The following CDIN1 variants were observed in gnomAD, a reference collection of about 807,000 sequenced individuals.
The protein encoded by CDIN1 is CDAN1-interacting nuclease 1.
A neutral mutation model predicts 45.3 loss-of-function variants in CDIN1; 33 were observed. The ratio of observed to expected loss-of-function variants is 0.73; its 90% CI spans 0.55 to 0.97. The LOEUF (loss-of-function observed/expected upper bound fraction) is 0.97. Among genes scored for constraint, CDIN1 ranks in the 50% least tolerant of loss-of-function variants. The pLI is 0.00. For synonymous variants in CDIN1, 118 were observed against 124.4 expected, an observed-to-expected ratio of 0.95 and a Z score of 0.34; for missense variants, 303 against 339.4, an observed-to-expected ratio of 0.89 and a Z score of 0.84.
At chr15:36,631,908 G>C (rs2039695423) in intron 1 of CDIN1, among the ~76,000 whole-genome samples, 1 of 152,156 alleles carries the variant, frequency 6.6e-6, no homozygotes, top group Non-Finnish European at 1.5e-5. Context: ...CTAGCTCACT[G>C]CAGCCCTGAA....
intron 5 of CDIN1, among the ~76,000 whole-genome samples, chr15:36,661,204 T>A (rs1185215542): frequency 6.6e-6 from 1 of 152,184 alleles, no homozygotes; most frequent in African/African-American, 2.4e-5. Context: ...GCAGTTAGAA[T>A]AATTGTTGGG....
intron 10 of CDIN1, among the ~76,000 whole-genome samples, chr15:36,767,834 T>C (rs1320513560): frequency 6.6e-6 from 1 of 152,230 alleles, no homozygotes; most frequent in Admixed American, 6.5e-5. Flanking sequence ...GAGTGACTTG[T>C]AAAAGGAGGC....
At chr15:36,715,629 G>A (rs571138832) in intron 10 of CDIN1, among the ~76,000 whole-genome samples, 33 of 152,234 alleles carry the variant, frequency 2.2e-4, no homozygotes, top group African/African-American at 6.3e-4. Flanking sequence ...CACTGCTGCC[G>A]TATACTATCA....
At chr15:36,592,526 C>T (rs748112049) in intron 1 of CDIN1, among the ~76,000 whole-genome samples, 1 of 152,128 alleles carries the variant, frequency 6.6e-6, no homozygotes, top group Non-Finnish European at 1.5e-5. Flanking sequence ...ATTTTTGTAG[C>T]CTTTTTTCTG....
intron 3 of CDIN1, among the ~76,000 whole-genome samples, chr15:36,645,833 A>AG (rs1249963864): frequency 6.6e-6 from 1 of 152,152 alleles, no homozygotes; most frequent in African/African-American, 2.4e-5. Flanking sequence ...CACATTTTAA[A>AG]GGGGATTTTG....
intron 10 of CDIN1, among the ~76,000 whole-genome samples, chr15:36,733,898 G>A (rs1327045083): frequency 6.6e-6 from 1 of 152,028 alleles, no homozygotes; most frequent in African/African-American, 2.4e-5. Context: ...AGACCTTTCT[G>A]GAAAATAGAT....
At chr15:36,760,472 G>T (rs555625470) in intron 10 of CDIN1, among the ~76,000 whole-genome samples, 1 of 152,264 alleles carries the variant, frequency 6.6e-6, no homozygotes, top group East Asian at 1.9e-4. Flanking sequence ...CAGAAACAAA[G>T]GTAGCTTGCA....
At chr15:36,653,680 C>T (rs573801780) in intron 3 of CDIN1, among the ~76,000 whole-genome samples, 2 of 152,290 alleles carry the variant, frequency 1.3e-5, no homozygotes, top group South Asian at 4.1e-4. Flanking sequence ...AGGTGTCAAG[C>T]AGCCCTGTGA....
At chr15:36,586,115 A>G (rs555013684) in intron 1 of CDIN1, among the ~76,000 whole-genome samples, 1 of 152,192 alleles carries the variant, frequency 6.6e-6, no homozygotes, top group African/African-American at 2.4e-5. Context: ...TCCGGCTCCT[A>G]GAACCTTCGA....
At chr15:36,801,327 G>C (rs1390912649) in intron 10 of CDIN1, among the ~76,000 whole-genome samples, 1 of 151,940 alleles carries the variant, frequency 6.6e-6, no homozygotes, top group Non-Finnish European at 1.5e-5. Flanking sequence ...TACCAAAAGA[G>C]ATGTAAAAGC....
chr15:36,735,079 CTAAA>C (rs1368871760), intron 10 of CDIN1, among the ~76,000 whole-genome samples: 1 of 152,102 alleles, frequency 6.6e-6, no homozygotes, highest in African/African-American at 2.4e-5. Flanking sequence ...TACTTTGTTC[CTAAA>C]TAGTCATTCA....
intron 10 of CDIN1, among the ~76,000 whole-genome samples, chr15:36,742,345 A>G (rs1167504998): frequency 1.3e-5 from 2 of 152,226 alleles, no homozygotes; most frequent in Non-Finnish European, 1.5e-5. Flanking sequence ...TCTAATGCAT[A>G]AAAGTTCTTA....
At chr15:36,696,040 G>A (rs977383541) in intron 7 of CDIN1, among the ~76,000 whole-genome samples, 1 of 112,880 alleles carries the variant, frequency 8.9e-6, no homozygotes, top group East Asian at 3.3e-4. Flanking sequence ...CAGGGATCTT[G>A]TTGTTATCTT....
intron 10 of CDIN1, among the ~76,000 whole-genome samples, chr15:36,731,125 G>A (rs2043818777): frequency 6.6e-6 from 1 of 152,040 alleles, no homozygotes; most frequent in Non-Finnish European, 1.5e-5. Context: ...TGTCAAAGTT[G>A]AAAATGTTAG....
chr15:36,769,396 T>G (rs1167221172), intron 10 of CDIN1, among the ~76,000 whole-genome samples: 4 of 152,198 alleles, frequency 2.6e-5, no homozygotes, highest in Non-Finnish European at 5.9e-5. Context: ...AAGCAGGATT[T>G]CTGTGTTAAA....
chr15:36,617,440 G>C, intron 1 of CDIN1: 1 of 1,075,438 alleles, frequency 9.3e-7, no homozygotes, highest in Admixed American at 1.7e-5. Flanking sequence ...TTCTACAGAA[G>C]ACCTAAAAGA....
chr15:36,763,469 A>C (rs1242376497), intron 10 of CDIN1, among the ~76,000 whole-genome samples: 3 of 152,108 alleles, frequency 2.0e-5, no homozygotes, highest in South Asian at 2.1e-4. Flanking sequence ...CTTGCACCTC[A>C]TGGGAGTTCA....
At chr15:36,664,640 G>A (rs1595441722) in intron 5 of CDIN1, among the ~76,000 whole-genome samples, 1 of 151,926 alleles carries the variant, frequency 6.6e-6, no homozygotes, top group Non-Finnish European at 1.5e-5. Context: ...TCTGCCTCCC[G>A]GGTTCACGCC....
intron 5 of CDIN1, among the ~76,000 whole-genome samples, chr15:36,662,315 A>G (rs1287126632): frequency 6.6e-6 from 1 of 152,220 alleles, no homozygotes; most frequent in Non-Finnish European, 1.5e-5. Context: ...TAATGTGTAT[A>G]ATCCCTGCCT....
Sources: gnomAD v4.1 joint callset for allele counts (sites outside exome capture counted in the v4.1 genomes callset) on GRCh38, gnomAD v4.1.1 for gene constraint, MANE v1.5 for transcripts, NCBI Gene and HGNC (gene_info 2026-07-23, HGNC 2026-07-21) for gene names.